The following KIR2DL4 variants were observed in gnomAD, a reference collection of about 807,000 sequenced individuals.
The protein encoded by KIR2DL4 is killer cell immunoglobulin-like receptor 2DL4.
In KIR2DL4, 41 loss-of-function variants were observed where a neutral mutation model predicts 31.0. The observed-to-expected ratio is 1.32, with a 90% CI of 1.03 to 1.72. KIR2DL4 has a LOEUF of 1.72. KIR2DL4 is among the 40% of genes most tolerant of loss of function. The pLI is 0.00. For missense variants in KIR2DL4, 438 were observed against 353.7 expected (o/e 1.24, Z -1.91); for synonymous variants, 164 against 133.6 (o/e 1.23, Z -1.57).
intron 6 of KIR2DL4, 22 bp from the exon 6 acceptor site, chr19:54,813,668 T>C (rs652671): frequency 0.22 from 357,602 of 1,607,462 alleles, 42,122 homozygotes; most frequent in South Asian, 0.32. Flanking sequence ...CCAGCTGTTT[T>C]GATTGCTTCC....
chr19:54,814,473 T>G (rs2148000904), exon 8 of KIR2DL4: 1 of 308,452 alleles, frequency 3.2e-6, no homozygotes, highest in African/African-American at 2.2e-5. Flanking sequence ...ATTTTTTTGA[T>G]TTCAGTGTAG....
chr19:54,809,451 C>T (rs1365648223), intron 5 of KIR2DL4, among the ~76,000 whole-genome samples: 1 of 150,984 alleles, frequency 6.6e-6, no homozygotes, highest in Non-Finnish European at 1.5e-5. Flanking sequence ...CCACAAGCTT[C>T]GTGGATGGAA....
At chr19:54,804,394 C>T (rs1053324361) in intron 2 of KIR2DL4, among the ~76,000 whole-genome samples, 2 of 151,348 alleles carry the variant, frequency 1.3e-5, no homozygotes, top group African/African-American at 4.9e-5. Context: ...TGGCTGCTGT[C>T]ATTCTGCCAG....
chr19:54,808,087 G>C (rs1338146186), intron 4 of KIR2DL4, among the ~76,000 whole-genome samples: 1 of 150,758 alleles, frequency 6.6e-6, no homozygotes, highest in Non-Finnish European at 1.5e-5. Flanking sequence ...TTATATTCTA[G>C]TTATTAATCC....
rs2147875282 is a variant in KIR2DL4 at position 54,804,409 on chromosome 19, G to A, written c.77-384G>A. Among the ~76,000 whole-genome samples the A allele has an allele frequency of 1.3e-5, 2 of 151,440 alleles. 1 individual carries two copies. Among genetic ancestry groups the A allele is most frequent in the African/African-American group, 4.9e-5 (2 of 41,080 alleles). Reference sequence around the variant, plus strand: ...TGGCTGCTGTCATTCTGCCAGAAGAGGTGGGGGAACCACAGCCACGACCCT... The same window carrying A: ...TGGCTGCTGTCATTCTGCCAGAAGAAGTGGGGGAACCACAGCCACGACCCT... On this transcript the variant is annotated intron_variant, in intron 2 of 7. Coordinates refer to ENST00000359085, the Ensembl canonical transcript of KIR2DL4.
At chr19:54,810,672 G>A (rs3865505) in intron 5 of KIR2DL4, among the ~76,000 whole-genome samples, 8,245 of 151,216 alleles carry the variant, frequency 0.055, 509 homozygotes, top group African/African-American at 0.11. Context: ...AGACGACTGT[G>A]GAGAGACAGA....
intron 2 of KIR2DL4, 132 bp from the exon 3 acceptor site, chr19:54,804,661 C>T (rs1216159953): frequency 1.1e-6 from 1 of 930,652 alleles, no homozygotes; most frequent in African/African-American, 1.7e-5. Context: ...GGGATGGGTC[C>T]TTCCTGTAGC....
Position 54,806,753 on chromosome 19 carries a change from A to T in KIR2DL4, c.655+509A>T, listed in dbSNP as rs923739788. ...CTGTGTGCGGTGGCTCATGCCTGTA[A>T]TCTCAGCATTTTGAGACGCCAAGGC... On this transcript the variant is annotated intron_variant, in intron 4 of 7. Transcript: ENST00000359085. Among the ~76,000 whole-genome samples, 33 of 150,764 alleles carry T rather than the reference A, an allele frequency of 2.2e-4. 1 individual carries two copies. The highest frequency in any genetic ancestry group is 7.9e-4 in the African/African-American group (32 of 40,746).
rs1247854029 is a variant in KIR2DL4 at position 54,804,918 on chromosome 19, G to T, written c.202G>T (p.Val68Phe). ...CTTCACGCTGTACAAGAAAGATGGG[G>T]TCCCTGTCCCTGAGCTCTACAACAG... Residue 68 changes from valine to phenylalanine, a missense_variant, in exon 3 of 8, where the codon GTC (valine) becomes TTC (phenylalanine). By Grantham distance (50) the Val-to-Phe change is conservative (BLOSUM62 -1). Transcript: ENST00000359085. 2.9e-5 allele frequency: 46 copies of T among 1,612,114 alleles called. 1 individual carries two copies. Among genetic ancestry groups the T allele is most frequent in the Non-Finnish European group, 3.7e-5 (44 of 1,179,670 alleles).
At chr19:54,810,427 G>A (rs2060792654) in intron 5 of KIR2DL4, among the ~76,000 whole-genome samples, 1 of 151,280 alleles carries the variant, frequency 6.6e-6, no homozygotes, top group South Asian at 2.1e-4. Flanking sequence ...GCGCCGAGCC[G>A]TATTTTAAAA....
chr19:54,806,238 G>T (rs901846164), exon 4 of KIR2DL4: 1 of 1,609,732 alleles, frequency 6.2e-7, no homozygotes, highest in Non-Finnish European at 8.5e-7. Context: ...GCCTGTTTCT[G>T]TCACAGGTGA....
chr19:54,803,820 C>T (rs1340493490), intron 1 of KIR2DL4, 71 bp from the exon 2 acceptor site: 25 of 1,560,142 alleles, frequency 1.6e-5, no homozygotes, highest in Non-Finnish European at 1.9e-5. Context: ...TCCAGCGTGG[C>T]GCCCAGTGGC....
chr19:54,813,106 G>C, intron 5 of KIR2DL4: 1 of 1,437,594 alleles, frequency 7.0e-7, no homozygotes, highest in Non-Finnish European at 9.5e-7. Flanking sequence ...CTTCTTATTG[G>C]ATTCCCATCT....
intron 6 of KIR2DL4, 34 bp from the exon 6 acceptor site, chr19:54,813,656 T>G: frequency 6.2e-7 from 1 of 1,607,154 alleles, no homozygotes; most frequent in Non-Finnish European, 8.5e-7. Flanking sequence ...AGAAGTGCCC[T>G]CCCAGCTGTT....
rs777884290 is a variant in KIR2DL4 at position 54,805,978 on chromosome 19, C to A, written c.389C>A (p.Ala130Asp). ...CTATATGAGAAACCTTCGCTTACAG[C>A]CCGGCCGGGCCCCACGGTTCGCGCA... Residue 130 changes from alanine to aspartate, a missense_variant, in exon 4 of 8, where the codon GCC (alanine) becomes GAC (aspartate). Transcript: ENST00000359085. The A allele has an allele frequency of 1.9e-5, 31 of 1,608,896 alleles. 1 individual carries two copies. Among genetic ancestry groups the A allele is most frequent in the Non-Finnish European group, 2.6e-5 (31 of 1,178,786 alleles).
intron 4 of KIR2DL4, among the ~76,000 whole-genome samples, chr19:54,807,246 T>C (rs2060583471): frequency 6.6e-6 from 1 of 150,590 alleles, no homozygotes; most frequent in South Asian, 2.1e-4. Flanking sequence ...GTGTATGTAC[T>C]ACTTTCTCTC....
chr19:54,809,422 A>G (rs1248955667), intron 5 of KIR2DL4, among the ~76,000 whole-genome samples: 1 of 150,626 alleles, frequency 6.6e-6, no homozygotes, highest in African/African-American at 2.5e-5. Flanking sequence ...ACCTTTTCCT[A>G]TGTTGCCATA....
At chr19:54,813,721 A>T (rs1316493173) in exon 7 of KIR2DL4, 16 of 1,611,412 alleles carry the variant, frequency 9.9e-6, no homozygotes, top group African/African-American at 1.4e-5. Flanking sequence ...AGCCTGCGGG[A>T]CACAGAACAG....
intron 5 of KIR2DL4, among the ~76,000 whole-genome samples, chr19:54,809,328 A>G (rs1238080675): frequency 2.7e-5 from 4 of 150,890 alleles, no homozygotes; most frequent in South Asian, 4.3e-4. Context: ...CTTTGCGGTA[A>G]GAGAGAACGT....
Sources: allele counts gnomAD v4.1 joint callset (sites outside exome capture counted in the v4.1 genomes callset), GRCh38; gene constraint gnomAD v4.1.1; transcripts MANE v1.5; gene names NCBI Gene and HGNC (gene_info 2026-07-23, HGNC 2026-07-21).